CDYL2: variants seen among roughly 807,000 people sequenced by gnomAD.
The protein encoded by CDYL2 is chromodomain Y like 2.
In CDYL2, 23 loss-of-function variants were observed where a neutral mutation model predicts 49.4. That is an observed-to-expected ratio of 0.47 (90% CI 0.34 to 0.66). The LOEUF is 0.66. Ranked by LOEUF, CDYL2 falls within the 30% of genes least tolerant of loss-of-function variation. CDYL2 has a pLI of 0.01. For synonymous variants in CDYL2, 360 were observed against 268.8 expected, an observed-to-expected ratio of 1.34 and a Z score of -3.32; for missense variants, 678 against 656.4, an observed-to-expected ratio of 1.03 and a Z score of -0.36.
At chr16:80,649,013 A>G (rs906349458) in intron 2 of CDYL2, among the ~76,000 whole-genome samples, 1 of 152,170 alleles carries the variant, frequency 6.6e-6, no homozygotes, top group Non-Finnish European at 1.5e-5. Flanking sequence ...AAAGCTACAT[A>G]TAACAGAACA....
At chr16:80,747,079 T>C (rs1905958485) in intron 1 of CDYL2, among the ~76,000 whole-genome samples, 3 of 152,188 alleles carry the variant, frequency 2.0e-5, no homozygotes, top group Admixed American at 2.0e-4. Flanking sequence ...ATCTGTGTGC[T>C]GTCAGTTTTC....
intron 2 of CDYL2, among the ~76,000 whole-genome samples, chr16:80,681,136 G>A (rs550959940): frequency 1.3e-5 from 2 of 152,264 alleles, no homozygotes; most frequent in South Asian, 2.1e-4. Context: ...ATAAGTTGCT[G>A]TTCTGTATGC....
At chr16:80,639,182 T>A (rs1244007137) in intron 2 of CDYL2, among the ~76,000 whole-genome samples, 1 of 152,078 alleles carries the variant, frequency 6.6e-6, no homozygotes, top group Non-Finnish European at 1.5e-5. Context: ...CTAGCTAACA[T>A]CCAAAAACCC....
At chr16:80,627,314 T>C (rs1191270643) in intron 3 of CDYL2, among the ~76,000 whole-genome samples, 1 of 151,304 alleles carries the variant, frequency 6.6e-6, no homozygotes, top group African/African-American at 2.4e-5. Context: ...GAAACCCTGC[T>C]GTAAAGAGGT....
intron 2 of CDYL2, among the ~76,000 whole-genome samples, chr16:80,638,306 C>T (rs186559624): frequency 6.6e-6 from 1 of 152,256 alleles, no homozygotes; most frequent in African/African-American, 2.4e-5. Flanking sequence ...AATTCCCAAC[C>T]CCAAACAATC....
rs556287588 is a variant in CDYL2, at chr16:80,740,843, T to TA, written c.25-55715dup. Among the ~76,000 whole-genome samples, 1,023 of 137,066 alleles carry TA rather than the reference T, an allele frequency of 7.5e-3. 9 individuals carry two copies. Among genetic ancestry groups the TA allele is most frequent in the African/African-American group, 0.019 (721 of 37,020 alleles). The allele number at this position is 137,066 out of a possible 152,430, so 89.9% of individuals were successfully genotyped here. On this transcript the variant is annotated intron_variant, in intron 1 of 6. Transcript: ENST00000570137. ...TCCACAAAACTTAACTGTGATACAC[T>TA]AAAAAAAAAAAAAGAGGTTTTACCA... is the stretch of plus-strand genomic sequence containing the variant.
intron 4 of CDYL2, among the ~76,000 whole-genome samples, chr16:80,619,078 C>T (rs1906960869): frequency 6.6e-6 from 1 of 152,150 alleles, no homozygotes; most frequent in Non-Finnish European, 1.5e-5. Context: ...TTTCTGGTGG[C>T]TGCTGGCCAT....
chr16:80,669,752 A>G (rs2142448504), intron 2 of CDYL2, among the ~76,000 whole-genome samples: 1 of 152,214 alleles, frequency 6.6e-6, no homozygotes, highest in East Asian at 1.9e-4. Context: ...GTCGCTGCAA[A>G]AGCTCCCTGA....
At chr16:80,735,599 G>C (rs1303894169) in intron 1 of CDYL2, among the ~76,000 whole-genome samples, 8 of 152,152 alleles carry the variant, frequency 5.3e-5, no homozygotes, top group Admixed American at 5.2e-4. Flanking sequence ...AATTCTCAGA[G>C]GCAGCCCAGA....
At chr16:80,732,816 C>G (rs910145760) in intron 1 of CDYL2, among the ~76,000 whole-genome samples, 1 of 152,204 alleles carries the variant, frequency 6.6e-6, no homozygotes, top group African/African-American at 2.4e-5. Context: ...ACACTAACCT[C>G]TCTTAAGGTC....
At chr16:80,617,634 C>T (rs1253481984) in intron 4 of CDYL2, among the ~76,000 whole-genome samples, 1 of 152,082 alleles carries the variant, frequency 6.6e-6, no homozygotes, top group Non-Finnish European at 1.5e-5. Flanking sequence ...GAGTTTGGTG[C>T]TGATGGGCGA....
chr16:80,713,107 G>T (rs750977704), intron 1 of CDYL2, among the ~76,000 whole-genome samples: 11 of 152,168 alleles, frequency 7.2e-5, no homozygotes, highest in Non-Finnish European at 1.5e-4. Context: ...CAGAGACTGC[G>T]TTCCTTGACG....
chr16:80,633,088 C>T lies in CDYL2; in HGVS notation c.765G>A (p.Arg255=), dbSNP rs1244139811. The T allele has an allele frequency of 1.2e-6, 2 of 1,614,184 alleles. No individual in the cohort carries two copies. Among genetic ancestry groups the T allele is most frequent in the Non-Finnish European group, 1.7e-6 (2 of 1,180,018 alleles). Reference sequence around the variant, plus strand: ...GGATGTGCGTGAACCCTTCTTCCTTCCGCACAACGATGTCTCGAAACCGAC... The same window carrying T: ...GGATGTGCGTGAACCCTTCTTCCTTTCGCACAACGATGTCTCGAAACCGAC... ...SNCRFRDIVV[R]KEEGFTHILL... Residue 255 remains arginine (R), a synonymous_variant, in exon 3 of 7, where the codon CGG becomes CGA. Coordinates refer to ENST00000570137, the MANE Select transcript of CDYL2 (RefSeq NM_152342.4).
intron 1 of CDYL2, among the ~76,000 whole-genome samples, chr16:80,796,570 A>G (rs575384201): frequency 6.6e-6 from 1 of 152,324 alleles, no homozygotes; most frequent in East Asian, 1.9e-4. Flanking sequence ...CATGAAACAC[A>G]TCTGTTATAT....
intron 1 of CDYL2, among the ~76,000 whole-genome samples, chr16:80,791,076 A>G (rs952514723): frequency 3.3e-5 from 5 of 152,304 alleles, no homozygotes; most frequent in Middle Eastern, 3.4e-3. Context: ...CAAAACTCTC[A>G]TCCAACATCC....
chr16:80,791,650 A>T (rs1907611481), intron 1 of CDYL2, among the ~76,000 whole-genome samples: 3 of 152,222 alleles, frequency 2.0e-5, no homozygotes. Context: ...GGTAACGGAC[A>T]GTGTCCCAGT....
chr16:80,646,088 A>C (rs190568822), intron 2 of CDYL2, among the ~76,000 whole-genome samples: 13 of 151,926 alleles, frequency 8.6e-5, no homozygotes, highest in African/African-American at 3.1e-4. Context: ...GCATGTATAC[A>C]TATGTAACAA....
intron 1 of CDYL2, among the ~76,000 whole-genome samples, chr16:80,704,571 G>A (rs369687972): frequency 3.9e-5 from 6 of 152,368 alleles, no homozygotes; most frequent in African/African-American, 7.2e-5. Flanking sequence ...GTTCACCACC[G>A]GTGTGTACAA....
intron 2 of CDYL2, among the ~76,000 whole-genome samples, chr16:80,662,926 G>A (rs748871827): frequency 6.6e-6 from 1 of 152,098 alleles, no homozygotes; most frequent in East Asian, 1.9e-4. Context: ...AGAACCAGCG[G>A]AGGCCCAGCA....
Sources: allele counts gnomAD v4.1 joint callset (sites outside exome capture counted in the v4.1 genomes callset), GRCh38; gene constraint gnomAD v4.1.1; transcripts MANE v1.5; gene names NCBI Gene and HGNC (gene_info 2026-07-23, HGNC 2026-07-21).